CHODL: variants seen among roughly 807,000 people sequenced by gnomAD.
CHODL encodes transmembrane protein MT75.
A neutral mutation model predicts 34.5 loss-of-function variants in CHODL; 29 were observed. The observed-to-expected ratio is 0.84, with a 90% CI of 0.63 to 1.15. CHODL has a LOEUF of 1.15. Ranked by LOEUF, CHODL falls within the 50% of genes most tolerant of loss-of-function variation. CHODL has a pLI of 0.00. For missense variants in CHODL, 332 were observed against 332.5 expected (o/e 1.00, Z 0.01); for synonymous variants, 125 against 116.1 (o/e 1.08, Z -0.49).
At chr21:18,220,765 T>C (rs984646744) in intron 2 of CHODL, among the ~76,000 whole-genome samples, 1 of 152,096 alleles carries the variant, frequency 6.6e-6, no homozygotes, top group African/African-American at 2.4e-5. Context: ...CTGTGATTAG[T>C]CTGATGATAA....
intron 1 of CHODL, chr21:18,246,029 C>A: frequency 8.7e-7 from 1 of 1,148,720 alleles, no homozygotes; most frequent in Non-Finnish European, 1.3e-6. Context: ...AATTGGCAAG[C>A]TTCCCAGGTT....
chr21:18,249,368 T>A (rs2074207961), intron 1 of CHODL, among the ~76,000 whole-genome samples: 1 of 151,540 alleles, frequency 6.6e-6, no homozygotes, highest in Admixed American at 6.6e-5. Flanking sequence ...TGCATTCAAT[T>A]TGGATCTAGT....
chr21:18,210,553 T>A (rs1167891274), intron 2 of CHODL, among the ~76,000 whole-genome samples: 4 of 152,318 alleles, frequency 2.6e-5, no homozygotes, highest in African/African-American at 9.6e-5. Context: ...AAGTCTTGTA[T>A]TCAATTATCT....
At chr21:18,143,767 G>T (rs1601063176) in intron 2 of CHODL, among the ~76,000 whole-genome samples, 1 of 152,068 alleles carries the variant, frequency 6.6e-6, no homozygotes, top group East Asian at 1.9e-4. Flanking sequence ...ATTTATTTAG[G>T]TATTCAGATA....
intron 2 of CHODL, among the ~76,000 whole-genome samples, chr21:18,191,995 T>A (rs1041602425): frequency 4.6e-5 from 7 of 152,208 alleles, no homozygotes; most frequent in Non-Finnish European, 8.8e-5. Flanking sequence ...TCTTTAGATG[T>A]TTCCTTGGCT....
intron 2 of CHODL, among the ~76,000 whole-genome samples, chr21:18,136,109 AAAAAAAAAAGAAAAAG>A (rs1429753511): frequency 1.4e-5 from 2 of 148,134 alleles, no homozygotes; most frequent in Admixed American, 1.3e-4. Context: ...ATGTCTCAAA[AAAAAAAAAAGAAAAAG>A]AAAAAAAAGA....
chr21:17,973,989 A>G (rs1263815802), intron 1 of CHODL, among the ~76,000 whole-genome samples: 1 of 152,186 alleles, frequency 6.6e-6, no homozygotes, highest in East Asian at 1.9e-4. Context: ...TCCAGATTAA[A>G]TTAATGTAGT....
At chr21:17,958,578 A>G (rs1484224153) in intron 1 of CHODL, among the ~76,000 whole-genome samples, 1 of 152,192 alleles carries the variant, frequency 6.6e-6, no homozygotes, top group East Asian at 1.9e-4. Flanking sequence ...TGTTTCCATC[A>G]GACACTTGGT....
chr21:17,953,973 C>T (rs773400790), intron 1 of CHODL, among the ~76,000 whole-genome samples: 12 of 152,070 alleles, frequency 7.9e-5, no homozygotes, highest in Non-Finnish European at 1.5e-4. Context: ...TGTGCCACTG[C>T]ACTCCAGCCT....
At chr21:18,245,844 T>G in intron 1 of CHODL, 2 of 1,372,546 alleles carry the variant, frequency 1.5e-6, no homozygotes, top group South Asian at 1.3e-5. Flanking sequence ...GGAACTGAAG[T>G]GTGGTCATTG....
intron 2 of CHODL, among the ~76,000 whole-genome samples, chr21:18,146,391 A>G (rs2072889504): frequency 1.3e-5 from 2 of 152,088 alleles, no homozygotes; most frequent in Admixed American, 6.6e-5. Flanking sequence ...TAATACCCAC[A>G]TAGTGGGGGC....
At chr21:17,965,423 G>A (rs1480664600) in intron 1 of CHODL, among the ~76,000 whole-genome samples, 1 of 151,606 alleles carries the variant, frequency 6.6e-6, no homozygotes, top group Non-Finnish European at 1.5e-5. Flanking sequence ...CTTTTCCTTT[G>A]CTTCCTTCAT....
At position 18,193,728 on chromosome 21, in the gene CHODL, T is replaced by A. The variant is rs1187649142; in HGVS notation, c.-44-62781T>A. Among the ~76,000 whole-genome samples the A allele has an allele frequency of 1.5e-4, 22 of 147,440 alleles. No homozygotes were observed. The East Asian group carries it at 2.4e-3, about 16-fold the overall frequency. On this transcript the variant is annotated intron_variant, in intron 2 of 6. Transcript: ENST00000400127. The stretch of plus-strand genomic sequence containing the variant: ...AAAAAAAATAAAATAAATAAATAAA[T>A]AAATAAATAAATAAATAAAAAATAA...
At chr21:18,010,617 C>T (rs1235162337) in intron 1 of CHODL, among the ~76,000 whole-genome samples, 1 of 152,106 alleles carries the variant, frequency 6.6e-6, no homozygotes, top group Non-Finnish European at 1.5e-5. Context: ...TTGTGCTGTT[C>T]TTTGTCTTCC....
chr21:18,013,635 CTTTT>C (rs1212894827), intron 1 of CHODL, among the ~76,000 whole-genome samples: 2 of 71,888 alleles, frequency 2.8e-5, no homozygotes, highest in Admixed American at 1.8e-4. Flanking sequence ...GCTGCTGCTG[CTTTT>C]TTTTTTTTTT....
intron 2 of CHODL, among the ~76,000 whole-genome samples, chr21:18,096,395 A>G (rs1009118345): frequency 5.3e-5 from 8 of 152,220 alleles, no homozygotes; most frequent in Non-Finnish European, 7.3e-5. Flanking sequence ...GCCGGGCAGA[A>G]CAGAGTCATA....
At chr21:18,181,245 G>A (rs1340361240) in intron 2 of CHODL, among the ~76,000 whole-genome samples, 1 of 152,128 alleles carries the variant, frequency 6.6e-6, no homozygotes, top group Non-Finnish European at 1.5e-5. Context: ...TGAAAGTGTT[G>A]CACTGGAATA....
chr21:17,926,893 G>C (rs73321548), intron 1 of CHODL, among the ~76,000 whole-genome samples: 2,795 of 152,030 alleles, frequency 0.018, 61 homozygotes, highest in African/African-American at 0.055. Context: ...TTAGGATAAA[G>C]AGTGCATTAG....
chr21:17,931,827 A>G (rs995813462), intron 1 of CHODL, among the ~76,000 whole-genome samples: 3 of 152,200 alleles, frequency 2.0e-5, no homozygotes, highest in Non-Finnish European at 4.4e-5. Flanking sequence ...AGACTTAAAT[A>G]TAAGACATGA....
Sources: gnomAD v4.1 joint callset for allele counts (sites outside exome capture counted in the v4.1 genomes callset) on GRCh38, gnomAD v4.1.1 for gene constraint, MANE v1.5 for transcripts, NCBI Gene and HGNC (gene_info 2026-07-23, HGNC 2026-07-21) for gene names.